The following CEMIP2 variants were observed in gnomAD, a reference collection of about 807,000 sequenced individuals.
CEMIP2 encodes the protein cell surface hyaluronidase CEMIP2.
CEMIP2 carries 79 observed loss-of-function variants against 146.9 expected under a neutral mutation model. The ratio of observed to expected loss-of-function variants is 0.54; its 90% CI spans 0.45 to 0.65. The LOEUF (loss-of-function observed/expected upper bound fraction) is 0.65. CEMIP2 is among the 30% of genes least tolerant of loss of function. The pLI is 0.00. For synonymous variants in CEMIP2, 601 were observed against 606.3 expected, an observed-to-expected ratio of 0.99 and a Z score of 0.13; for missense variants, 1,596 against 1,696.2, an observed-to-expected ratio of 0.94 and a Z score of 1.04.
At position 71,715,000 on chromosome 9, in the gene CEMIP2, C is replaced by T. The variant is rs753887114; in HGVS notation, c.2525G>A (p.Gly842Asp). ...AGTGCCTACATACTTGTTCTGACCA[C>T]CCTGAAAGCCGTAATTCCTGCTCTC... is the stretch of plus-strand genomic sequence containing the variant. ...VGESRNYGFQ[G>D]GQNKYVGTGG... The change falls in exon 15 of 24, where the codon GGT becomes GAT. Residue 842 changes from glycine (G) to aspartate (D), a missense_variant. Physicochemically the swap from Gly to Asp is moderately conservative, Grantham distance 94. Coordinates refer to ENST00000377044, the MANE Select transcript of CEMIP2 (RefSeq NM_013390.3). 6.2e-7 allele frequency: 1 copy of T among 1,614,004 alleles called. No individual in the cohort carries two copies. The highest frequency in any genetic ancestry group is 1.1e-5 in the South Asian group (1 of 91,076).
At position 71,745,208 on chromosome 9, in the gene CEMIP2, T is replaced by C. The variant is rs368538518; in HGVS notation, c.844A>G (p.Ser282Gly). Residue 282 changes from serine to glycine, a missense_variant, in exon 4 of 24, where the codon AGT becomes GGT. Ser to Gly is a moderately conservative substitution (Grantham distance 56). Transcript: ENST00000377044. ...IDQDTAKILE[S>G]ERFDTHEYRN... ...TATTCATGGGTATCAAATCTCTCAC[T>C]TTCCAAAATTTTGGCCGTGTCTTGG... The C allele has an allele frequency of 3.2e-5, 52 of 1,614,120 alleles. No homozygotes were observed. The African/African-American group carries it at 6.7e-4, about 21-fold the overall frequency.
At position 71,716,597 on chromosome 9, in the gene CEMIP2, A is replaced by G. The variant is rs568269638; in HGVS notation, c.2400-45T>C. 4.7e-5 allele frequency: 68 copies of G among 1,443,086 alleles called. No individual in the cohort carries two copies. The South Asian group carries it at 6.2e-4, about 13-fold the overall frequency. 89.4% of individuals were successfully genotyped at this position (1,443,086 alleles called of 1,614,324 possible). ...GAAGAACATTTTAATTTACCATATT[A>G]TGTAAAAAGAGGTAATTCTCTCAAT... On this transcript the variant is annotated intron_variant, in intron 13 of 23. Coordinates refer to ENST00000377044, the MANE Select transcript of CEMIP2 (RefSeq NM_013390.3).
At chr9:71,757,871 C>A (rs1298657904) in intron 1 of CEMIP2, among the ~76,000 whole-genome samples, 2 of 152,186 alleles carry the variant, frequency 1.3e-5, no homozygotes, top group African/African-American at 4.8e-5. Flanking sequence ...AAAAAGTGTT[C>A]AATTAGAAAA....
At chr9:71,691,220 G>A (rs1206752536) in intron 21 of CEMIP2, among the ~76,000 whole-genome samples, 2 of 152,064 alleles carry the variant, frequency 1.3e-5, no homozygotes, top group Non-Finnish European at 2.9e-5. Context: ...ATCACCTGAG[G>A]TTAGGAGTTC....
In CEMIP2 at chr9:71,730,069, G is replaced by A; in HGVS notation, c.1958C>T (p.Pro653Leu). ...TCACATACAGTCAGTAGCAGGCACAGGAATGTAATTTCCAAACACTTTATC... is the reference window on the plus strand; with the variant it reads ...TCACATACAGTCAGTAGCAGGCACAAGAATGTAATTTCCAAACACTTTATC... ...MRDKVFGNYIPVPATDCMAVS... is the reference protein window; with the variant it reads ...MRDKVFGNYILVPATDCMAVS... Residue 653 changes from proline (P) to leucine (L), a missense_variant, in exon 9 of 24, where the codon CCT (proline) becomes CTT (leucine). By Grantham distance (98) the Pro-to-Leu change is moderately conservative (BLOSUM62 -3). Coordinates refer to ENST00000377044, the MANE Select transcript of CEMIP2 (RefSeq NM_013390.3). 1 of 1,614,142 alleles carries A rather than the reference G, an allele frequency of 6.2e-7. No homozygotes were observed. The highest frequency in any genetic ancestry group is 8.5e-7 in the Non-Finnish European group (1 of 1,180,040).
At chr9:71,710,974 T>C (rs1234199843) in intron 16 of CEMIP2, among the ~76,000 whole-genome samples, 3 of 152,190 alleles carry the variant, frequency 2.0e-5, no homozygotes, top group Non-Finnish European at 4.4e-5. Context: ...CTATTAAGTT[T>C]GTGGGTGGAT....
chr9:71,722,811 A>G (rs1003275441), intron 11 of CEMIP2, among the ~76,000 whole-genome samples: 1 of 152,220 alleles, frequency 6.6e-6, no homozygotes, highest in Admixed American at 6.5e-5. Context: ...CACAAAAACT[A>G]GCAGAAAGAC....
At chr9:71,719,414 G>A (rs1335001407) in intron 12 of CEMIP2, among the ~76,000 whole-genome samples, 1 of 152,206 alleles carries the variant, frequency 6.6e-6, no homozygotes, top group Admixed American at 6.5e-5. Context: ...CAAGGGCTAG[G>A]TAAAGATCTG....
intron 22 of CEMIP2, chr9:71,686,167 G>A (rs748027937): frequency 8.3e-6 from 2 of 241,466 alleles, no homozygotes; most frequent in Non-Finnish European, 1.6e-5. Context: ...AGCAGGAGGT[G>A]AGCAGGCGAG....
At chr9:71,717,833 A>G in intron 13 of CEMIP2, 115 bp downstream of exon 13, 4 of 1,013,076 alleles carry the variant, frequency 3.9e-6, no homozygotes, top group Non-Finnish European at 5.5e-6. Flanking sequence ...CTGTCTTAAT[A>G]ATAATAATAT....
intron 16 of CEMIP2, among the ~76,000 whole-genome samples, chr9:71,711,790 C>T (rs1380543316): frequency 2.0e-5 from 3 of 152,120 alleles, no homozygotes; most frequent in Non-Finnish European, 2.9e-5. Context: ...TTTCCAAAAT[C>T]GTATGTCCTC....
intron 17 of CEMIP2, among the ~76,000 whole-genome samples, chr9:71,706,471 A>C (rs1226508952): frequency 2.0e-5 from 3 of 152,240 alleles, no homozygotes; most frequent in Admixed American, 2.0e-4. Flanking sequence ...TAGATGACTT[A>C]TTTCTTTCTT....
chr9:71,726,954 C>T (rs1336645309), intron 10 of CEMIP2, among the ~76,000 whole-genome samples: 1 of 151,974 alleles, frequency 6.6e-6, no homozygotes, highest in African/African-American at 2.4e-5. Context: ...GCAGCTGTTT[C>T]CTGTTAAAAC....
chr9:71,702,996 A>T (rs1055876255), intron 18 of CEMIP2, among the ~76,000 whole-genome samples: 11 of 152,210 alleles, frequency 7.2e-5, no homozygotes, highest in Non-Finnish European at 1.6e-4. Context: ...ACATTTCTCC[A>T]TCCTCTCTGA....
intron 5 of CEMIP2, among the ~76,000 whole-genome samples, chr9:71,738,514 C>CA (rs35921409): frequency 0.46 from 68,565 of 149,494 alleles, 18,429 homozygotes; most frequent in Non-Finnish European, 0.6. Flanking sequence ...GACTCCATCT[C>CA]AAAAAAAAAC....
At chr9:71,686,889 CTATT>C (rs371674575) in intron 22 of CEMIP2, 234 of 152,194 alleles carry the variant, frequency 1.5e-3, no homozygotes, top group African/African-American at 5.4e-3. Flanking sequence ...TTCAAATACT[CTATT>C]TATTTAAGTT....
intron 19 of CEMIP2, among the ~76,000 whole-genome samples, chr9:71,700,436 T>C (rs539571060): frequency 6.6e-6 from 1 of 152,292 alleles, no homozygotes; most frequent in Non-Finnish European, 1.5e-5. Flanking sequence ...CCTCAATACG[T>C]ATACAGCAAA....
At position 71,685,205 on chromosome 9, in the gene CEMIP2, C is replaced by T. The variant is rs774951255; in HGVS notation, c.4144G>A (p.Ala1382Thr). The T allele has an allele frequency of 1.2e-6, 2 of 1,607,576 alleles. No individual in the cohort carries two copies. Among genetic ancestry groups the T allele is most frequent in the Non-Finnish European group, 1.7e-6 (2 of 1,177,724 alleles). ...TAAGTTACAGTTAGTCTCTAATGTG[C>T]TTTTGAAGCTTGCTTTAGCAGTTCC... ...DLELLKQASK[A>T]H Residue 1382 changes from alanine to threonine, a missense_variant, in exon 24 of 24, where the codon GCA becomes ACA. Physicochemically the swap from Ala to Thr is moderately conservative, Grantham distance 58. Transcript: ENST00000377044.
At chr9:71,697,955 G>T (rs1253985090) in intron 20 of CEMIP2, 30 bp downstream of exon 20, 2 of 1,596,500 alleles carry the variant, frequency 1.3e-6, no homozygotes, top group Non-Finnish European at 1.7e-6. Flanking sequence ...TTTTCTCCTT[G>T]GCCACAGACC....
Sources: gnomAD v4.1 joint callset for allele counts (sites outside exome capture counted in the v4.1 genomes callset) on GRCh38, gnomAD v4.1.1 for gene constraint, MANE v1.5 for transcripts, NCBI Gene and HGNC (gene_info 2026-07-23, HGNC 2026-07-21) for gene names.